The following PCDHGA2 variants were observed in gnomAD, a reference collection of about 807,000 sequenced individuals.
The protein encoded by PCDHGA2 is protocadherin gamma subfamily A, 2, also known as protocadherin gamma-A2.
In PCDHGA2, 40 loss-of-function variants were observed where a neutral mutation model predicts 59.2. That is an observed-to-expected ratio of 0.68 (90% CI 0.52 to 0.88). The LOEUF is 0.88. PCDHGA2 is among the 40% of genes least tolerant of loss of function. The probability of loss-of-function intolerance (pLI) is 0.00; values close to 1 mark genes in which losing one functional copy is unlikely to be tolerated. For missense variants in PCDHGA2, 1,226 were observed against 1,204.0 expected (o/e 1.02, Z -0.27); for synonymous variants, 560 against 526.0 (o/e 1.06, Z -0.89).
chr5:141,380,531 A>G (rs1197165586), intron 1 of PCDHGA2, among the ~76,000 whole-genome samples: 4 of 152,346 alleles, frequency 2.6e-5, no homozygotes, highest in African/African-American at 9.6e-5. Flanking sequence ...AATGATTTCA[A>G]TTTGATACAA....
At chr5:141,375,221 G>C (rs1299495432) in intron 1 of PCDHGA2, 31 of 1,613,820 alleles carry the variant, frequency 1.9e-5, no homozygotes, top group Non-Finnish European at 2.6e-5. Context: ...TGGCCTGAAT[G>C]GCCTGGTAAC....
chr5:141,351,642 AC>A, intron 1 of PCDHGA2: 3 of 1,613,922 alleles, frequency 1.9e-6, no homozygotes, highest in Non-Finnish European at 2.5e-6. Flanking sequence ...TCTGAGAACA[AC>A]CCACCTGGCG....
At chr5:141,364,343 C>T in intron 1 of PCDHGA2, 1 of 1,541,934 alleles carries the variant, frequency 6.5e-7, no homozygotes, top group Non-Finnish European at 8.7e-7. Context: ...GGCGAGTCCA[C>T]CTAGGGGCTG....
chr5:141,474,518 G>T (rs1054372142), intron 1 of PCDHGA2, among the ~76,000 whole-genome samples: 1 of 152,168 alleles, frequency 6.6e-6, no homozygotes, highest in African/African-American at 2.4e-5. Context: ...CCTCTTGCTG[G>T]TCTGGCTAAT....
intron 1 of PCDHGA2, chr5:141,413,140 A>G: frequency 1.3e-6 from 2 of 1,563,150 alleles, no homozygotes; most frequent in Non-Finnish European, 1.7e-6. Context: ...CAACGTGTCC[A>G]GTGAGGACTT....
chr5:141,339,298 G>T lies in PCDHGA2; in HGVS notation c.327G>T (p.Leu109=). The change falls in exon 1 of 4, where the codon CTG becomes CTT. Residue 109 remains leucine, a synonymous_variant. Coordinates refer to ENST00000394576, the MANE Select transcript of PCDHGA2 (RefSeq NM_018915.4). The stretch of plus-strand genomic sequence containing the variant: ...CCTGTCTGTTGAATTTTAACATTCT[G>T]CTGGAGGATAAATTGACTATTTATT... The part of the protein sequence containing the change: ...SAPCLLNFNI[L]LEDKLTIYSV... 1 of 1,614,268 alleles carries T rather than the reference G, an allele frequency of 6.2e-7. No individual in the cohort carries two copies. Among genetic ancestry groups the T allele is most frequent in the African/African-American group, 1.3e-5 (1 of 75,082 alleles).
intron 1 of PCDHGA2, chr5:141,390,100 C>G: frequency 6.2e-7 from 1 of 1,614,060 alleles, no homozygotes; most frequent in South Asian, 1.1e-5. Context: ...GTGGTTCCCC[C>G]CAACTACAGC....
chr5:141,415,461 T>G, intron 1 of PCDHGA2: 1 of 1,614,180 alleles, frequency 6.2e-7, no homozygotes, highest in African/African-American at 1.3e-5. Flanking sequence ...ACGAGGTCTC[T>G]CTCACCGCGG....
chr5:141,419,681 G>T (rs377117997), intron 1 of PCDHGA2: 89 of 1,612,904 alleles, frequency 5.5e-5, no homozygotes, highest in Non-Finnish European at 7.0e-5. Flanking sequence ...GTCCTACCAC[G>T]TGGTGCAGGC....
At chr5:141,375,133 A>G in intron 1 of PCDHGA2, 2 of 1,613,958 alleles carry the variant, frequency 1.2e-6, no homozygotes, top group Non-Finnish European at 1.7e-6. Flanking sequence ...TGGTTGTTAC[A>G]TCTGGAAGCA....
intron 1 of PCDHGA2, chr5:141,345,007 C>T (rs1386175019): frequency 6.2e-7 from 1 of 1,613,806 alleles, no homozygotes; most frequent in African/African-American, 1.3e-5. Flanking sequence ...CAGGATGGAC[C>T]AGGTCTTCTT....
chr5:141,447,235 G>T (rs1458489257), intron 1 of PCDHGA2, among the ~76,000 whole-genome samples: 1 of 152,084 alleles, frequency 6.6e-6, no homozygotes, highest in Non-Finnish European at 1.5e-5. Flanking sequence ...CGCCTCCCGG[G>T]TTCAAGTGAT....
At chr5:141,389,513 C>G (rs749432491) in intron 1 of PCDHGA2, 2 of 1,613,038 alleles carry the variant, frequency 1.2e-6, no homozygotes, top group African/African-American at 1.3e-5. Flanking sequence ...TCAGCGCGAA[C>G]GTGAGCCTGC....
rs1468045050 is a variant in PCDHGA2, at chr5:141,340,036, A to G, written c.1065A>G (p.Ser355=). ...PEFYMTSATS[S]VSEDSLPGTI... ...TTTACATGACATCTGCTACTAGCTCAGTTTCTGAAGACTCTCTTCCAGGAA... is the reference window on the plus strand; with the variant it reads ...TTTACATGACATCTGCTACTAGCTCGGTTTCTGAAGACTCTCTTCCAGGAA... The change falls in exon 1 of 4, where the codon TCA becomes TCG. Residue 355 remains serine, a synonymous_variant. Transcript: ENST00000394576. 2.5e-6 allele frequency: 4 copies of G among 1,614,056 alleles called. No individual in the cohort carries two copies. The highest frequency in any genetic ancestry group is 3.4e-6 in the Non-Finnish European group (4 of 1,180,034).
chr5:141,381,826 C>CTTTTTTTTTTTTTTTTTT (rs770630741), intron 1 of PCDHGA2, among the ~76,000 whole-genome samples: 6 of 74,288 alleles, frequency 8.1e-5, no homozygotes, highest in East Asian at 3.6e-4. Flanking sequence ...CTTTCTTCTT[C>CTTTTTTTTTTTTTTTTTT]TTTTTTTTTT....
At chr5:141,350,309 C>G in intron 1 of PCDHGA2, 1 of 1,522,304 alleles carries the variant, frequency 6.6e-7, no homozygotes, top group Non-Finnish European at 8.8e-7. Flanking sequence ...GGTACTGTTT[C>G]CCTTCCTGCT....
chr5:141,398,171 C>T (rs773536231), intron 1 of PCDHGA2: 3 of 1,476,352 alleles, frequency 2.0e-6, no homozygotes, highest in Non-Finnish European at 2.7e-6. Flanking sequence ...GAGAGGCTGC[C>T]AGTGCTCTTT....
chr5:141,354,286 T>C (rs575279335), intron 1 of PCDHGA2, among the ~76,000 whole-genome samples: 1 of 152,360 alleles, frequency 6.6e-6, no homozygotes, highest in East Asian at 1.9e-4. Context: ...TGGTCATTCA[T>C]GAAACATTGA....
chr5:141,375,920 G>A, intron 1 of PCDHGA2: 1 of 1,613,748 alleles, frequency 6.2e-7, no homozygotes, highest in Admixed American at 1.7e-5. Flanking sequence ...CAAGGCCAGC[G>A]AGCCAGGACT....
Sources: gnomAD v4.1 joint callset for allele counts (sites outside exome capture counted in the v4.1 genomes callset) on GRCh38, gnomAD v4.1.1 for gene constraint, MANE v1.5 for transcripts, NCBI Gene and HGNC (gene_info 2026-07-23, HGNC 2026-07-21) for gene names.